The following TWSG1 variants were observed in gnomAD, a reference collection of about 807,000 sequenced individuals.
The protein encoded by TWSG1 is twisted gastrulation BMP signaling modulator 1.
Under a neutral mutation model 23.0 loss-of-function variants are expected in TWSG1, and 15 were observed. The ratio of observed to expected loss-of-function variants is 0.65; its 90% CI spans 0.44 to 1.00. The LOEUF is 1.00. TWSG1 is among the 50% of genes least tolerant of loss of function. The pLI, the probability that TWSG1 is intolerant of heterozygous loss-of-function variation, is 0.00. For missense variants in TWSG1, 242 were observed against 278.7 expected (o/e 0.87, Z 0.94); for synonymous variants, 86 against 92.8 (o/e 0.93, Z 0.42).
rs79126698 is a variant in TWSG1 at position 9,381,456 on chromosome 18, G to A, written c.224-14824G>A. On this transcript the variant is annotated intron_variant, in intron 3 of 4. Coordinates refer to ENST00000262120, the MANE Select transcript of TWSG1 (RefSeq NM_020648.6). ...CTTGTCCAATAATTATGTATCTGGA[G>A]TATTGTATTAATATATTCAGCATTT... Among the ~76,000 whole-genome samples the A allele has an allele frequency of 1.9e-3, 286 of 152,150 alleles. 1 individual carries two copies. The highest frequency in any genetic ancestry group is 3.6e-3 in the Non-Finnish European group (244 of 68,010).
intron 2 of TWSG1, among the ~76,000 whole-genome samples, chr18:9,341,171 A>G (rs1237876070): frequency 6.6e-6 from 1 of 152,294 alleles, no homozygotes; most frequent in South Asian, 2.1e-4. Flanking sequence ...GAGGAGTGAC[A>G]GTGTCATGTT....
chr18:9,395,086 A>G (rs183264136), intron 3 of TWSG1, among the ~76,000 whole-genome samples: 3 of 152,296 alleles, frequency 2.0e-5, no homozygotes, highest in Non-Finnish European at 2.9e-5. Flanking sequence ...GACTCATTCA[A>G]TCTGAAGCAG....
chr18:9,361,874 G>A (rs2040554270), intron 3 of TWSG1, among the ~76,000 whole-genome samples: 1 of 152,190 alleles, frequency 6.6e-6, no homozygotes, highest in Admixed American at 6.5e-5. Context: ...CACAGAATAG[G>A]CTTGCCTCTG....
chr18:9,371,587 G>A (rs1319170026), intron 3 of TWSG1, among the ~76,000 whole-genome samples: 3 of 151,874 alleles, frequency 2.0e-5, no homozygotes, highest in African/African-American at 4.8e-5. Flanking sequence ...GAGCCACTGT[G>A]CCCAGCCTAT....
chr18:9,344,185 T>G (rs2040462857), intron 2 of TWSG1, among the ~76,000 whole-genome samples: 1 of 152,190 alleles, frequency 6.6e-6, no homozygotes, highest in South Asian at 2.1e-4. Context: ...GGGTTACAGG[T>G]GTGAGCTGCT....
chr18:9,394,840 A>C (rs1273974964), intron 3 of TWSG1, among the ~76,000 whole-genome samples: 1 of 152,140 alleles, frequency 6.6e-6, no homozygotes, highest in Non-Finnish European at 1.5e-5. Context: ...CAAGCTTTAC[A>C]AACAATGTCC....
In TWSG1 at chr18:9,343,210, T is replaced by TTA. The variant is rs6146209; in HGVS notation, c.123+5908_123+5909dup. ...AGGAAATGCCCTGTTTTGTTTTTTG[T>TTA]TATATATATATATATATATATATAT... On this transcript the variant is annotated intron_variant, in intron 2 of 4. Transcript: ENST00000262120. 1.7e-3 allele frequency among the ~76,000 whole-genome samples: 223 copies of TTA among 131,396 alleles called. 1 individual carries two copies. The highest frequency in any genetic ancestry group is 2.3e-3 in the African/African-American group (78 of 34,630). 86.2% of individuals were successfully genotyped at this position (131,396 alleles called of 152,430 possible).
At chr18:9,373,039 TTAAAAG>T (rs2040612922) in intron 3 of TWSG1, among the ~76,000 whole-genome samples, 1 of 152,108 alleles carries the variant, frequency 6.6e-6, no homozygotes, top group South Asian at 2.1e-4. Context: ...GACATATAGA[TTAAAAG>T]TGAATGGATG....
At chr18:9,370,640 C>T (rs987138277) in intron 3 of TWSG1, among the ~76,000 whole-genome samples, 3 of 152,104 alleles carry the variant, frequency 2.0e-5, no homozygotes, top group African/African-American at 2.4e-5. Flanking sequence ...TGCATTGATT[C>T]AGAAAACCGA....
At chr18:9,395,944 GTCCCATCATTCAT>G (rs2040732816) in intron 3 of TWSG1, among the ~76,000 whole-genome samples, 1 of 152,070 alleles carries the variant, frequency 6.6e-6, no homozygotes, top group Non-Finnish European at 1.5e-5. Flanking sequence ...TCTTCAGCAT[GTCCCATCATTCAT>G]GGTGCACTTC....
chr18:9,376,900 TTTC>T (rs2040632953), intron 3 of TWSG1, among the ~76,000 whole-genome samples: 1 of 152,298 alleles, frequency 6.6e-6, no homozygotes, highest in African/African-American at 2.4e-5. Context: ...ACAGAATTTT[TTTC>T]TTGTCATCAT....
chr18:9,369,149 A>G (rs1207854796), intron 3 of TWSG1, among the ~76,000 whole-genome samples: 2 of 151,648 alleles, frequency 1.3e-5, no homozygotes, highest in Non-Finnish European at 3.0e-5. Context: ...ATAAAATAAA[A>G]TAAAATAAAA....
Position 9,358,368 on chromosome 18 carries a change from T to C in TWSG1, c.124-1604T>C, listed in dbSNP as rs539600169. Reference sequence around the variant, plus strand: ...TTATCTGTGTCTTACTTCCAGAATCTTGGAAGACAATCTGATTGACCAGCT... The same window carrying C: ...TTATCTGTGTCTTACTTCCAGAATCCTGGAAGACAATCTGATTGACCAGCT... On this transcript the variant is annotated intron_variant, in intron 2 of 4. Coordinates refer to ENST00000262120, the MANE Select transcript of TWSG1 (RefSeq NM_020648.6). Among the ~76,000 whole-genome samples the C allele has an allele frequency of 2.0e-5, 3 of 152,312 alleles. No individual in the cohort carries two copies. The South Asian group carries it at 6.2e-4, about 32-fold the overall frequency.
At chr18:9,393,728 TTTTG>T (rs567331270) in intron 3 of TWSG1, among the ~76,000 whole-genome samples, 194 of 152,238 alleles carry the variant, frequency 1.3e-3, no homozygotes, top group African/African-American at 4.5e-3. Flanking sequence ...CAGCTAATTT[TTTTG>T]TTTGTTTTGA....
At chr18:9,386,453 CA>C (rs1168896311) in intron 3 of TWSG1, among the ~76,000 whole-genome samples, 5,543 of 67,106 alleles carry the variant, frequency 0.083, 288 homozygotes, top group African/African-American at 0.24. Flanking sequence ...GACTCCATCT[CA>C]AAAAAAAAAA....
chr18:9,367,636 C>A (rs190230123), intron 3 of TWSG1, among the ~76,000 whole-genome samples: 3 of 152,118 alleles, frequency 2.0e-5, no homozygotes, highest in African/African-American at 4.8e-5. Flanking sequence ...GTCAGGTCAG[C>A]GGCAGTATTG....
chr18:9,368,448 G>A (rs916476180), intron 3 of TWSG1, among the ~76,000 whole-genome samples: 9 of 152,096 alleles, frequency 5.9e-5, no homozygotes, highest in African/African-American at 1.7e-4. Context: ...GGATCCACTC[G>A]CCTCAGCCTC....
rs184237110 is a variant in TWSG1 at position 9,368,353 on chromosome 18, A to C, written c.223+8282A>C. Among the ~76,000 whole-genome samples, 37 of 152,228 alleles carry C rather than the reference A, an allele frequency of 2.4e-4. No individual in the cohort carries two copies. The East Asian group carries it at 3.3e-3, about 14-fold the overall frequency. Reference sequence around the variant, plus strand: ...GTAGCTGAGATTACAGGTGCCTGCCACCATGCCTGGCTAATTTTTTTGTAT... The same window carrying C: ...GTAGCTGAGATTACAGGTGCCTGCCCCCATGCCTGGCTAATTTTTTTGTAT... On this transcript the variant is annotated intron_variant, in intron 3 of 4. Coordinates refer to ENST00000262120, the MANE Select transcript of TWSG1 (RefSeq NM_020648.6).
intron 3 of TWSG1, among the ~76,000 whole-genome samples, chr18:9,377,742 AG>A (rs1300496009): frequency 6.6e-6 from 1 of 151,886 alleles, no homozygotes; most frequent in Non-Finnish European, 1.5e-5. Flanking sequence ...TGTTTGAGAC[AG>A]GGTCTCTACT....
Sources: gnomAD v4.1 joint callset for allele counts (sites outside exome capture counted in the v4.1 genomes callset) on GRCh38, gnomAD v4.1.1 for gene constraint, MANE v1.5 for transcripts, NCBI Gene and HGNC (gene_info 2026-07-23, HGNC 2026-07-21) for gene names.